Variants in CEP83 observed in about 807,000 individuals in gnomAD.
CEP83 encodes the protein centrosomal protein 83.
CEP83 carries 70 observed loss-of-function variants against 101.9 expected under a neutral mutation model. The ratio of observed to expected loss-of-function variants is 0.69; its 90% CI spans 0.57 to 0.84. The LOEUF (loss-of-function observed/expected upper bound fraction) is 0.84. Among genes scored for constraint, CEP83 ranks in the 40% least tolerant of loss-of-function variants. CEP83 has a pLI of 0.00. For missense variants in CEP83, 715 were observed against 787.2 expected (o/e 0.91, Z 1.10); for synonymous variants, 264 against 267.9 (o/e 0.99, Z 0.14).
intron 1 of CEP83, among the ~76,000 whole-genome samples, chr12:94,450,653 C>CCAAATAAGT (rs1370844123): frequency 1.3e-5 from 2 of 152,072 alleles, no homozygotes; most frequent in Non-Finnish European, 2.9e-5. Context: ...ATAAATTTAA[C>CCAAATAAGT]CAAATAAGTG....
At chr12:94,366,846 G>C (rs1032557705) in intron 11 of CEP83, among the ~76,000 whole-genome samples, 2 of 151,938 alleles carry the variant, frequency 1.3e-5, no homozygotes, top group Non-Finnish European at 2.9e-5. Flanking sequence ...TGTAATGACA[G>C]AAAAAAGTCA....
downstream of CEP83, chr12:94,304,226 C>G (rs923838472): frequency 5.0e-5 from 26 of 520,490 alleles, no homozygotes; most frequent in Non-Finnish European, 7.9e-5. Context: ...CATGGCTGCC[C>G]CCCTTACAGT....
intron 11 of CEP83, among the ~76,000 whole-genome samples, chr12:94,354,064 C>T (rs985959267): frequency 4.6e-5 from 7 of 152,216 alleles, no homozygotes; most frequent in Non-Finnish European, 7.3e-5. Flanking sequence ...CAATACCCCA[C>T]TCTCTGCATT....
At chr12:94,316,699 G>T (rs1169546970) in intron 14 of CEP83, among the ~76,000 whole-genome samples, 2 of 152,068 alleles carry the variant, frequency 1.3e-5, no homozygotes, top group African/African-American at 4.8e-5. Flanking sequence ...TTTTGTGTTA[G>T]TTTGCTAAGG....
chr12:94,326,263 C>T (rs1038457853), intron 14 of CEP83, among the ~76,000 whole-genome samples: 1 of 152,170 alleles, frequency 6.6e-6, no homozygotes, highest in African/African-American at 2.4e-5. Flanking sequence ...GCATTTCTCC[C>T]ATTTGGCTAT....
chr12:94,303,011 T>C (rs552012820), downstream of CEP83, among the ~76,000 whole-genome samples: 4 of 152,372 alleles, frequency 2.6e-5, no homozygotes, highest in South Asian at 8.3e-4. Context: ...TGATTCAGCC[T>C]CATGGGCTGG....
rs1334086678 is a variant in CEP83 at position 94,394,917 on chromosome 12, A to G, written c.549+5933T>C. On this transcript the variant is annotated intron_variant, in intron 6 of 16. Coordinates refer to ENST00000397809, the MANE Select transcript of CEP83 (RefSeq NM_016122.3). ...CAGAGAAATGCAAATCAAAACCACAATGAGATACCATCTCACGCCAGTTAG... is the reference window on the plus strand; with the variant it reads ...CAGAGAAATGCAAATCAAAACCACAGTGAGATACCATCTCACGCCAGTTAG... 2.0e-5 allele frequency among the ~76,000 whole-genome samples: 3 copies of G among 152,348 alleles called. No homozygotes were observed. The East Asian group carries it at 5.8e-4, about 29-fold the overall frequency.
At chr12:94,395,886 T>C (rs1161522318) in intron 6 of CEP83, among the ~76,000 whole-genome samples, 1 of 152,094 alleles carries the variant, frequency 6.6e-6, no homozygotes, top group South Asian at 2.1e-4. Context: ...CTTTTTGCCA[T>C]AGGAACTTTG....
chr12:94,379,629 G>A (rs2061727996), intron 6 of CEP83, among the ~76,000 whole-genome samples: 1 of 152,126 alleles, frequency 6.6e-6, no homozygotes, highest in African/African-American at 2.4e-5. Context: ...TTACTCCAGG[G>A]CAGGTGTTAA....
intron 6 of CEP83, among the ~76,000 whole-genome samples, chr12:94,384,468 T>TA (rs2062022034): frequency 6.6e-6 from 1 of 152,240 alleles, no homozygotes; most frequent in East Asian, 1.9e-4. Flanking sequence ...GGAAAGTTTT[T>TA]AGTCATTATT....
At chr12:94,410,762 T>C (rs1221990906) in intron 4 of CEP83, among the ~76,000 whole-genome samples, 1 of 152,194 alleles carries the variant, frequency 6.6e-6, no homozygotes, top group Non-Finnish European at 1.5e-5. Context: ...TTCTGAGGTT[T>C]ATATTTGTAT....
At chr12:94,356,175 C>T (rs1462553282) in intron 11 of CEP83, among the ~76,000 whole-genome samples, 1 of 152,168 alleles carries the variant, frequency 6.6e-6, no homozygotes, top group African/African-American at 2.4e-5. Flanking sequence ...ACTCTTAAAG[C>T]AATCCCTGTG....
chr12:94,307,583 C>CTATT (rs1339321154), downstream of CEP83: 4 of 151,842 alleles, frequency 2.6e-5, no homozygotes, highest in African/African-American at 9.7e-5. Flanking sequence ...GATTTAAAGT[C>CTATT]TATTTCTTAT....
rs1258947428 is a variant in CEP83 at position 94,375,900 on chromosome 12, T to C, written c.919A>G (p.Thr307Ala). Residue 307 changes from threonine to alanine, a missense_variant, in exon 8 of 17, where the codon ACA becomes GCA. Coordinates refer to ENST00000397809, the MANE Select transcript of CEP83 (RefSeq NM_016122.3). ...KLHKAEREIN[T>A]LSSKVKELKH... ...AAACAACTTACTTTACTGGACAATG[T>C]ATTTATTTCTCGTTCAGCTTTATGC... is the stretch of plus-strand genomic sequence containing the variant. The C allele has an allele frequency of 2.0e-6, 3 of 1,486,890 alleles. No homozygotes were observed. Among genetic ancestry groups the C allele is most frequent in the Non-Finnish European group, 2.7e-6 (3 of 1,095,186 alleles). 92.1% of individuals were successfully genotyped at this position (1,486,890 alleles called of 1,614,324 possible).
intron 2 of CEP83, among the ~76,000 whole-genome samples, chr12:94,420,500 C>A (rs1229264549): frequency 6.6e-6 from 1 of 152,184 alleles, no homozygotes; most frequent in African/African-American, 2.4e-5. Context: ...CCACATACAG[C>A]CTATGATGGC....
intron 1 of CEP83, among the ~76,000 whole-genome samples, chr12:94,458,579 A>C (rs111947423): frequency 6.6e-6 from 1 of 151,912 alleles, no homozygotes; most frequent in South Asian, 2.1e-4. Context: ...TCTCTACTAA[A>C]ATAAAAAAAT....
chr12:94,355,328 C>T (rs2060407383), intron 11 of CEP83, among the ~76,000 whole-genome samples: 1 of 152,002 alleles, frequency 6.6e-6, no homozygotes, highest in South Asian at 2.1e-4. Context: ...CCCATCTCTA[C>T]TAAAAATACA....
downstream of CEP83, among the ~76,000 whole-genome samples, chr12:94,304,968 A>G (rs559862379): frequency 2.6e-5 from 4 of 152,310 alleles, no homozygotes; most frequent in African/African-American, 7.2e-5. Flanking sequence ...AATAGTTGGT[A>G]TTTCTTGCGA....
intron 7 of CEP83, among the ~76,000 whole-genome samples, chr12:94,377,245 GA>G (rs929299378): frequency 6.6e-6 from 1 of 152,040 alleles, no homozygotes; most frequent in African/African-American, 2.4e-5. Context: ...CCTACAGTTG[GA>G]AAAAATCATT....
Sources: gnomAD v4.1 joint callset for allele counts (sites outside exome capture counted in the v4.1 genomes callset) on GRCh38, gnomAD v4.1.1 for gene constraint, MANE v1.5 for transcripts, NCBI Gene and HGNC (gene_info 2026-07-23, HGNC 2026-07-21) for gene names.